Variants in LRRIQ1 observed in about 807,000 individuals in gnomAD.
LRRIQ1 encodes the protein leucine-rich repeat- and IQ domain-containing protein 1.
A neutral mutation model predicts 211.9 loss-of-function variants in LRRIQ1; 210 were observed. The observed-to-expected ratio is 0.99, with a 90% CI of 0.89 to 1.11. The LOEUF is 1.11. LRRIQ1 is among the 50% of genes most tolerant of loss of function. LRRIQ1 has a pLI of 0.00. For synonymous variants in LRRIQ1, 699 were observed against 650.1 expected (o/e 1.08, Z -1.14); for missense variants, 2,136 against 1,939.5 (o/e 1.10, Z -1.90).
At chr12:85,120,956 TG>T (rs1274776964) in intron 15 of LRRIQ1, among the ~76,000 whole-genome samples, 10 of 151,606 alleles carry the variant, frequency 6.6e-5, no homozygotes, top group South Asian at 2.1e-4. Flanking sequence ...GTTTGTTTTT[TG>T]TTTTTTTTGT....
At position 85,054,355 on chromosome 12, in the gene LRRIQ1, G is replaced by C. The variant is rs146145993; in HGVS notation, c.754-1192G>C. ...GGCAAAAAGACACACCACCTAAAAA[G>C]GAGCACAGTAAAACTAACAGCTTAC... On this transcript the variant is annotated intron_variant, in intron 7 of 26. Transcript: ENST00000393217. 6.6e-3 allele frequency among the ~76,000 whole-genome samples: 1,009 copies of C among 152,228 alleles called. 16 individuals carry two copies. The highest frequency in any genetic ancestry group is 0.023 in the African/African-American group (951 of 41,544).
chr12:85,172,311 G>C (rs768331008), intron 24 of LRRIQ1, among the ~76,000 whole-genome samples: 1 of 152,120 alleles, frequency 6.6e-6, no homozygotes, highest in Admixed American at 6.6e-5. Context: ...TTATATCCAA[G>C]TCTCAGAGAA....
chr12:85,249,142 T>C (rs1372529574), downstream of LRRIQ1, among the ~76,000 whole-genome samples: 1 of 151,796 alleles, frequency 6.6e-6, no homozygotes, highest in Non-Finnish European at 1.5e-5. Flanking sequence ...TATTGATTTT[T>C]GTGATAAAAA....
At chr12:85,067,505 T>C (rs902413577) in intron 10 of LRRIQ1, among the ~76,000 whole-genome samples, 1 of 151,872 alleles carries the variant, frequency 6.6e-6, no homozygotes, top group African/African-American at 2.4e-5. Flanking sequence ...TTTTTTGTTT[T>C]AGCAATTTTT....
chr12:85,179,610 A>T (rs553172313), intron 24 of LRRIQ1, among the ~76,000 whole-genome samples: 1 of 152,034 alleles, frequency 6.6e-6, no homozygotes, highest in Non-Finnish European at 1.5e-5. Flanking sequence ...TTCACTAATT[A>T]TACTAAAATA....
intron 24 of LRRIQ1, among the ~76,000 whole-genome samples, chr12:85,177,294 C>T (rs2708498): frequency 1.3e-5 from 2 of 151,818 alleles, no homozygotes; most frequent in African/African-American, 4.8e-5. Context: ...CACAAACCAC[C>T]TGTAATAGAG....
intron 21 of LRRIQ1, 110 bp downstream of exon 21, chr12:85,153,255 A>G: frequency 9.0e-7 from 1 of 1,112,528 alleles, no homozygotes. Context: ...TTGTTTAGGA[A>G]ACAGAATATT....
At chr12:85,176,726 AAAACTT>A (rs1412245784) in intron 24 of LRRIQ1, among the ~76,000 whole-genome samples, 3 of 148,208 alleles carry the variant, frequency 2.0e-5, no homozygotes, top group Admixed American at 1.3e-4. Context: ...CATGTACCCT[AAAACTT>A]AAAGTATAAT....
chr12:85,153,689 C>T lies in LRRIQ1; in HGVS notation c.4568C>T (p.Thr1523Ile), dbSNP rs751496443. The T allele has an allele frequency of 6.3e-7, 1 of 1,582,822 alleles. No individual in the cohort carries two copies. Among genetic ancestry groups the T allele is most frequent in the Non-Finnish European group, 8.6e-7 (1 of 1,167,628 alleles). ...TCAGAAAATAAAACTTCTTCCTGGA[C>T]ACCTGAATCAAAGACCAGTAGAAAG... ...SRSENKTSSW[T>I]PESKTSRKSL... Residue 1523 changes from threonine (T) to isoleucine (I), a missense_variant, in exon 22 of 27, where the codon ACA (threonine) becomes ATA (isoleucine). Coordinates refer to ENST00000393217, the MANE Select transcript of LRRIQ1 (RefSeq NM_001079910.2).
At chr12:85,177,552 G>T (rs1193562613) in intron 24 of LRRIQ1, among the ~76,000 whole-genome samples, 1 of 152,072 alleles carries the variant, frequency 6.6e-6, no homozygotes, top group Non-Finnish European at 1.5e-5. Context: ...TTGAAGACTA[G>T]GTTAGCCTGG....
At chr12:85,257,698 A>C (rs968405896) in intron 1 of LRRIQ1, among the ~76,000 whole-genome samples, 2 of 151,918 alleles carry the variant, frequency 1.3e-5, no homozygotes, top group African/African-American at 4.8e-5. Flanking sequence ...CCACATGAGG[A>C]AAAGTCAATC....
intron 24 of LRRIQ1, among the ~76,000 whole-genome samples, chr12:85,217,504 ATATATGTGTGTGTGTGTGTG>A (rs1300620527): frequency 6.3e-4 from 42 of 67,056 alleles, no homozygotes; most frequent in African/African-American, 4.0e-3. Flanking sequence ...ATATATATAT[ATATATGTGTGTGTGTGTGTG>A]TGTGTGTGTG....
intron 17 of LRRIQ1, 110 bp from the exon 18 acceptor site, chr12:85,127,722 A>G: frequency 3.6e-6 from 3 of 838,342 alleles, no homozygotes; most frequent in Non-Finnish European, 5.6e-6. Flanking sequence ...TTTTTAAATA[A>G]TACTTTATGT....
intron 11 of LRRIQ1, among the ~76,000 whole-genome samples, chr12:85,088,947 G>C (rs1885106548): frequency 6.6e-6 from 1 of 152,118 alleles, no homozygotes; most frequent in African/African-American, 2.4e-5. Context: ...TCTTCTGCCT[G>C]ATTGCCCTGG....
intron 1 of LRRIQ1, among the ~76,000 whole-genome samples, chr12:85,261,017 C>G (rs1276470468): frequency 1.3e-5 from 2 of 152,176 alleles, no homozygotes; most frequent in Non-Finnish European, 2.9e-5. Context: ...TAGAATGAAT[C>G]TGGCTAACAC....
downstream of LRRIQ1, among the ~76,000 whole-genome samples, chr12:85,249,656 T>A (rs1170783856): frequency 2.0e-5 from 3 of 151,930 alleles, no homozygotes; most frequent in African/African-American, 7.2e-5. Context: ...TAAATGAATA[T>A]ATGAGCCATT....
At chr12:85,217,680 GTATA>G (rs199691745) in intron 24 of LRRIQ1, among the ~76,000 whole-genome samples, 1 of 142,706 alleles carries the variant, frequency 7.0e-6, no homozygotes, top group Non-Finnish European at 1.5e-5. Flanking sequence ...GTGTATATAT[GTATA>G]TATGTGTATA....
chr12:85,207,722 A>T (rs1051053941), intron 24 of LRRIQ1, among the ~76,000 whole-genome samples: 4 of 151,992 alleles, frequency 2.6e-5, no homozygotes, highest in Non-Finnish European at 5.9e-5. Flanking sequence ...CTGGGTTTAG[A>T]TTCTTTTTTT....
At chr12:85,180,656 C>G (rs1383623030) in intron 24 of LRRIQ1, among the ~76,000 whole-genome samples, 4 of 151,736 alleles carry the variant, frequency 2.6e-5, no homozygotes, top group African/African-American at 9.7e-5. Context: ...ATGCATAACT[C>G]ACAGAGTTGA....
Sources: gnomAD v4.1 joint callset for allele counts (sites outside exome capture counted in the v4.1 genomes callset) on GRCh38, gnomAD v4.1.1 for gene constraint, MANE v1.5 for transcripts, NCBI Gene and HGNC (gene_info 2026-07-23, HGNC 2026-07-21) for gene names.